Variants in COX7A2L observed in about 807,000 individuals in gnomAD.
COX7A2L encodes cytochrome c oxidase subunit 7A2-like, mitochondrial.
Under a neutral mutation model 14.2 loss-of-function variants are expected in COX7A2L, and 18 were observed. The observed-to-expected ratio is 1.27, with a 90% confidence interval of 0.88 to 1.88. The LOEUF (loss-of-function observed/expected upper bound fraction) is 1.88. Ranked by LOEUF, COX7A2L falls within the 40% of genes most tolerant of loss-of-function variation. The pLI, the probability that COX7A2L is intolerant of heterozygous loss-of-function variation, is 0.00. For synonymous variants in COX7A2L, 65 were observed against 57.4 expected (o/e 1.13, Z -0.60); for missense variants, 179 against 138.8 (o/e 1.29, Z -1.46).
Position 42,339,107 on chromosome 2 carries a change from C to T in COX7A2L, c.193-5238G>A, listed in dbSNP as rs932220244. Among the ~76,000 whole-genome samples the T allele has an allele frequency of 6.6e-6, 1 of 152,174 alleles. No homozygotes were observed. Among genetic ancestry groups the T allele is most frequent in the Non-Finnish European group, 1.5e-5 (1 of 68,026 alleles). ...TTAATAAAGCTGCCGTTCACCATGCCAAAGCTGAAGTGGTTTCTATGGGAA... is the reference window on the plus strand; with the variant it reads ...TTAATAAAGCTGCCGTTCACCATGCTAAAGCTGAAGTGGTTTCTATGGGAA... On this transcript the variant is annotated intron_variant, in intron 2 of 2. Transcript: ENST00000468711. The surrounding 1 kb of genome is among the most constrained non-coding windows in gnomAD (Gnocchi z 5.4).
At chr2:42,337,161 G>A (rs1233185472) in intron 2 of COX7A2L, among the ~76,000 whole-genome samples, 1 of 152,124 alleles carries the variant, frequency 6.6e-6, no homozygotes, top group Non-Finnish European at 1.5e-5. Context: ...TCCACCCATT[G>A]CTTAAATTCT....
At chr2:42,341,982 A>G (rs1215382925) in intron 2 of COX7A2L, among the ~76,000 whole-genome samples, 1 of 152,186 alleles carries the variant, frequency 6.6e-6, no homozygotes, top group East Asian at 1.9e-4. Context: ...AATCTGCCAC[A>G]TAACATGGAG....
intron 1 of COX7A2L, among the ~76,000 whole-genome samples, chr2:42,367,715 C>T (rs1246654873): frequency 6.6e-6 from 1 of 152,232 alleles, no homozygotes; most frequent in Non-Finnish European, 1.5e-5. Context: ...GCACTCTGAG[C>T]CAGGGGAGAA....
At chr2:42,341,550 G>A (rs894501077) in intron 2 of COX7A2L, among the ~76,000 whole-genome samples, 3 of 152,204 alleles carry the variant, frequency 2.0e-5, no homozygotes, top group African/African-American at 7.2e-5. Context: ...TGCTGCCGTG[G>A]GCGCCCACAT....
upstream of COX7A2L, among the ~76,000 whole-genome samples, chr2:42,363,902 A>G (rs1181043114): frequency 2.0e-5 from 3 of 152,246 alleles, no homozygotes; most frequent in Non-Finnish European, 2.9e-5. Context: ...CTGCTTCTCC[A>G]TTTGTGAGGG....
Position 42,349,509 on chromosome 2 carries a change from T to A in COX7A2L, c.*1710A>T, listed in dbSNP as rs1045492215. On this transcript the variant is annotated 3_prime_UTR_variant, in exon 3 of 3. Coordinates refer to ENST00000234301, the MANE Select transcript of COX7A2L (RefSeq NM_004718.4). ...GGTATGGGGTTTCTTTTTAGGGTGA[T>A]ATAAGTGTTCTAAAATTGATTCTCA... The A allele has an allele frequency of 6.6e-6, 1 of 152,194 alleles. No individual in the cohort carries two copies. The highest frequency in any genetic ancestry group is 2.4e-5 in the African/African-American group (1 of 41,444). 9.4% of individuals were successfully genotyped at this position (152,194 alleles called of 1,614,324 possible).
At chr2:42,340,027 A>G (rs1304322300) in intron 2 of COX7A2L, among the ~76,000 whole-genome samples, 1 of 151,994 alleles carries the variant, frequency 6.6e-6, no homozygotes, top group Non-Finnish European at 1.5e-5. Flanking sequence ...TTCTGCAGCC[A>G]CCTGTATATT....
At chr2:42,364,552 C>T (rs1430523796), upstream of COX7A2L, among the ~76,000 whole-genome samples, 1 of 152,072 alleles carries the variant, frequency 6.6e-6, no homozygotes, top group Non-Finnish European at 1.5e-5. Context: ...GCTAAACTCA[C>T]TTTATGATAT....
downstream of COX7A2L, among the ~76,000 whole-genome samples, chr2:42,348,996 AG>A (rs1670556448): frequency 6.6e-6 from 1 of 152,216 alleles, no homozygotes; most frequent in South Asian, 2.1e-4. Flanking sequence ...AAAAACAAAA[AG>A]GAACTGCATG....
chr2:42,362,543 C>T (rs1671081577), upstream of COX7A2L, among the ~76,000 whole-genome samples: 1 of 152,168 alleles, frequency 6.6e-6, no homozygotes, highest in Non-Finnish European at 1.5e-5. Flanking sequence ...AGTGGCAGAG[C>T]TAGGCATTTG....
At chr2:42,346,057 G>A (rs1670491206), downstream of COX7A2L, among the ~76,000 whole-genome samples, 1 of 152,132 alleles carries the variant, frequency 6.6e-6, no homozygotes, top group African/African-American at 2.4e-5. Flanking sequence ...TCCAAGAATA[G>A]GGCAGCCTGC....
chr2:42,345,949 TAAAC>T (rs1163016470), downstream of COX7A2L, among the ~76,000 whole-genome samples: 2 of 151,988 alleles, frequency 1.3e-5, no homozygotes, highest in Non-Finnish European at 2.9e-5. Flanking sequence ...TTCCTCTGAG[TAAAC>T]AAACCAACCT....
In COX7A2L at chr2:42,353,310, G is replaced by A. The variant is rs145137974; in HGVS notation, c.106C>T (p.Pro36Ser). 1 of 1,613,918 alleles carries A rather than the reference G, an allele frequency of 6.2e-7. No homozygotes were observed. Among genetic ancestry groups the A allele is most frequent in the African/African-American group, 1.3e-5 (1 of 74,894 alleles). Residue 36 changes from proline to serine, a missense_variant, in exon 2 of 3, where the codon CCT (proline) becomes TCT (serine). Physicochemically the swap from Pro to Ser is moderately conservative, Grantham distance 74. Coordinates refer to ENST00000234301, the MANE Select transcript of COX7A2L (RefSeq NM_004718.4). ...LKPVVSTEAP[P>S]IIFATPTKLT... ...TTAGTTGGTGTGGCAAATATGATAG[G>A]TGGTGCTTCTGTGGAAACCACAGGC...
chr2:42,360,851 T>TG (rs1429598149), intron 1 of COX7A2L: 4 of 570,654 alleles, frequency 7.0e-6, no homozygotes. Flanking sequence ...CCTTGACCCC[T>TG]GCAGTGAGCC....
At chr2:42,347,898 G>C (rs1343881145), downstream of COX7A2L, among the ~76,000 whole-genome samples, 2 of 152,110 alleles carry the variant, frequency 1.3e-5, no homozygotes, top group Non-Finnish European at 1.5e-5. Context: ...TCCAGCCTGG[G>C]CAACAAGAGC....
At chr2:42,366,156 G>GT (rs1402963073), upstream of COX7A2L, among the ~76,000 whole-genome samples, 1 of 152,156 alleles carries the variant, frequency 6.6e-6, no homozygotes, top group Admixed American at 6.5e-5. Context: ...CGGGCTGGGT[G>GT]TGGTGGCTCA....
chr2:42,345,601 T>C (rs957928643), downstream of COX7A2L, among the ~76,000 whole-genome samples: 4 of 152,232 alleles, frequency 2.6e-5, no homozygotes, highest in Non-Finnish European at 5.9e-5. Context: ...GGGACAAGAA[T>C]GGCTGAGGGT....
chr2:42,342,666 T>C lies in COX7A2L; in HGVS notation c.193-8797A>G, dbSNP rs1572784526. On this transcript the variant is annotated intron_variant, in intron 2 of 2. Transcript: ENST00000468711. This position sits in a 1 kb window ranked among gnomAD's most constrained non-coding sequence, Gnocchi z 4.9. ...GTGCTTTGGCCCTGAGGCACAGCCATGTGACCATGACTAATCTATGTCATA... is the reference window on the plus strand; with the variant it reads ...GTGCTTTGGCCCTGAGGCACAGCCACGTGACCATGACTAATCTATGTCATA... Among the ~76,000 whole-genome samples, 1 of 152,170 alleles carries C rather than the reference T, an allele frequency of 6.6e-6. No homozygotes were observed. Among genetic ancestry groups the C allele is most frequent in the Non-Finnish European group, 1.5e-5 (1 of 68,040 alleles).
At chr2:42,364,721 A>G (rs1671126545), upstream of COX7A2L, among the ~76,000 whole-genome samples, 1 of 152,168 alleles carries the variant, frequency 6.6e-6, no homozygotes, top group Non-Finnish European at 1.5e-5. Context: ...TTGAAAACCA[A>G]ATCTTTCTTA....
Sources: gnomAD v4.1 joint callset for allele counts (sites outside exome capture counted in the v4.1 genomes callset) on GRCh38, gnomAD v4.1.1 for gene constraint, Gnocchi (gnomAD v3.1) non-coding constraint, MANE v1.5 for transcripts, NCBI Gene and HGNC (gene_info 2026-07-23, HGNC 2026-07-21) for gene names.